Variants in EPB41L5 observed in about 807,000 individuals in gnomAD.
EPB41L5 encodes the protein erythrocyte membrane protein band 4.1 like 5.
EPB41L5 carries 55 observed loss-of-function variants against 106.6 expected under a neutral mutation model. The observed-to-expected ratio is 0.52, with a 90% CI of 0.42 to 0.65. The LOEUF is 0.65. Ranked by LOEUF, EPB41L5 falls within the 30% of genes least tolerant of loss-of-function variation. EPB41L5 has a pLI of 0.00. For missense variants in EPB41L5, 871 were observed against 882.1 expected (o/e 0.99, Z 0.16); for synonymous variants, 297 against 306.7 (o/e 0.97, Z 0.33).
At chr2:120,064,308 TAAC>T (rs1381253895) in intron 3 of EPB41L5, among the ~76,000 whole-genome samples, 1 of 152,232 alleles carries the variant, frequency 6.6e-6, no homozygotes, top group East Asian at 1.9e-4. Context: ...GAAAGATGGT[TAAC>T]ATTTCTCTAC....
chr2:120,026,152 C>T (rs1558803852), intron 2 of EPB41L5, among the ~76,000 whole-genome samples: 2 of 152,184 alleles, frequency 1.3e-5, no homozygotes, highest in East Asian at 3.9e-4. Context: ...TGAGCTAAAA[C>T]TATAAATCCT....
chr2:120,104,125 C>A (rs750766524), intron 16 of EPB41L5: 3 of 1,535,898 alleles, frequency 2.0e-6, no homozygotes, highest in Admixed American at 3.9e-5. Flanking sequence ...GCCTTGCCCC[C>A]ACCCCAGACC....
At chr2:120,032,971 T>C (rs1419320771) in intron 2 of EPB41L5, among the ~76,000 whole-genome samples, 1 of 152,240 alleles carries the variant, frequency 6.6e-6, no homozygotes. Flanking sequence ...AAAATGTTTT[T>C]TTCCTGTAAT....
intron 20 of EPB41L5, among the ~76,000 whole-genome samples, chr2:120,153,082 G>T (rs1574766519): frequency 6.6e-6 from 1 of 152,116 alleles, no homozygotes; most frequent in East Asian, 1.9e-4. Flanking sequence ...AGTTCCTTAA[G>T]GTGTAAAGTT....
intron 20 of EPB41L5, chr2:120,160,575 A>G (rs1048646883): frequency 8.0e-6 from 2 of 251,240 alleles, no homozygotes; most frequent in South Asian, 8.9e-5. Flanking sequence ...AGGAACCTCC[A>G]TACTGTTCTT....
At chr2:120,119,441 G>A (rs372641365) in intron 16 of EPB41L5, among the ~76,000 whole-genome samples, 5 of 151,954 alleles carry the variant, frequency 3.3e-5, no homozygotes, top group Non-Finnish European at 5.9e-5. Flanking sequence ...TGCCTCTGTC[G>A]TGAATGGTAT....
At chr2:120,079,836 A>G (rs1305537466) in intron 10 of EPB41L5, among the ~76,000 whole-genome samples, 1 of 152,112 alleles carries the variant, frequency 6.6e-6, no homozygotes, top group Non-Finnish European at 1.5e-5. Flanking sequence ...TTTGCTGCAC[A>G]GGTTGCTTTC....
intron 18 of EPB41L5, among the ~76,000 whole-genome samples, chr2:120,140,595 A>G (rs753304096): frequency 3.3e-5 from 5 of 152,070 alleles, no homozygotes; most frequent in Admixed American, 6.6e-5. Context: ...TCCAGAATCT[A>G]ATACTTTTTG....
intron 3 of EPB41L5, among the ~76,000 whole-genome samples, chr2:120,048,647 C>G (rs1679997684): frequency 6.6e-6 from 1 of 151,124 alleles, no homozygotes; most frequent in Non-Finnish European, 1.5e-5. Flanking sequence ...GTGTCTTTAT[C>G]TCCTTCAGTT....
At chr2:120,035,526 A>G (rs988506248) in intron 2 of EPB41L5, among the ~76,000 whole-genome samples, 1 of 152,232 alleles carries the variant, frequency 6.6e-6, no homozygotes, top group East Asian at 1.9e-4. Context: ...TCAATAAACC[A>G]ACTTCAGTGA....
chr2:120,119,000 G>GT (rs1348627200), intron 16 of EPB41L5, among the ~76,000 whole-genome samples: 10 of 152,056 alleles, frequency 6.6e-5, no homozygotes, highest in Non-Finnish European at 1.2e-4. Flanking sequence ...AGCATCTGTT[G>GT]TTTTTTGACT....
At chr2:120,065,161 C>G (rs1393242195) in intron 3 of EPB41L5, among the ~76,000 whole-genome samples, 1 of 152,044 alleles carries the variant, frequency 6.6e-6, no homozygotes, top group East Asian at 1.9e-4. Flanking sequence ...TTCTGTCGCC[C>G]AGGCTGGAGT....
intron 2 of EPB41L5, among the ~76,000 whole-genome samples, chr2:120,020,289 G>A (rs116075241): frequency 0.012 from 1,776 of 152,194 alleles, 18 homozygotes; most frequent in Middle Eastern, 0.024. Flanking sequence ...GAATAAGCTC[G>A]GGAAGACCTT....
At chr2:120,078,705 G>T (rs1157785589) in intron 10 of EPB41L5, 124 bp downstream of exon 10, 4 of 594,828 alleles carry the variant, frequency 6.7e-6, no homozygotes, top group Non-Finnish European at 1.2e-5. Context: ...GAAAGCAACT[G>T]TCTCCTGTCA....
At chr2:120,037,718 A>G (rs1435969007) in intron 2 of EPB41L5, among the ~76,000 whole-genome samples, 1 of 152,204 alleles carries the variant, frequency 6.6e-6, no homozygotes, top group Non-Finnish European at 1.5e-5. Context: ...GGAATAGAAT[A>G]GAGAGACTAG....
intron 2 of EPB41L5, among the ~76,000 whole-genome samples, chr2:120,037,658 GA>G (rs1344165956): frequency 2.1e-5 from 3 of 143,676 alleles, no homozygotes; most frequent in Non-Finnish European, 3.1e-5. Context: ...CTCTACAAAA[GA>G]AAAAAAAAAG....
intron 14 of EPB41L5, among the ~76,000 whole-genome samples, chr2:120,095,359 G>C (rs969504078): frequency 2.0e-5 from 3 of 152,026 alleles, no homozygotes; most frequent in African/African-American, 7.2e-5. Context: ...TTTTCATCAA[G>C]TCTGGAAGTT....
intron 3 of EPB41L5, among the ~76,000 whole-genome samples, chr2:120,053,209 A>C (rs947660320): frequency 6.6e-6 from 1 of 152,206 alleles, no homozygotes; most frequent in Admixed American, 6.5e-5. Flanking sequence ...TGACAGTTGT[A>C]TTGAAGAGTT....
intron 16 of EPB41L5, among the ~76,000 whole-genome samples, chr2:120,110,419 A>G (rs751390388): frequency 1.5e-4 from 23 of 152,212 alleles, no homozygotes; most frequent in African/African-American, 5.1e-4. Flanking sequence ...TTTAAATGCT[A>G]TCTATACACA....
Sources: gnomAD v4.1 joint callset for allele counts (sites outside exome capture counted in the v4.1 genomes callset) on GRCh38, gnomAD v4.1.1 for gene constraint, MANE v1.5 for transcripts, NCBI Gene and HGNC (gene_info 2026-07-23, HGNC 2026-07-21) for gene names.